CPEB3: variants seen among roughly 807,000 people sequenced by gnomAD.
The protein encoded by CPEB3 is cytoplasmic polyadenylation element binding protein 3, also known as cytoplasmic polyadenylation element-binding protein 3.
Under a neutral mutation model 67.2 loss-of-function variants are expected in CPEB3, and 20 were observed. The ratio of observed to expected loss-of-function variants is 0.30; its 90% CI spans 0.21 to 0.43. The LOEUF (loss-of-function observed/expected upper bound fraction) is 0.43. CPEB3 is among the 20% of genes least tolerant of loss of function. The probability of loss-of-function intolerance (pLI) is 1.00; values close to 1 mark genes in which losing one functional copy is unlikely to be tolerated. For missense variants in CPEB3, 746 were observed against 968.6 expected, an observed-to-expected ratio of 0.77 and a Z score of 3.05; for synonymous variants, 376 against 393.1, an observed-to-expected ratio of 0.96 and a Z score of 0.51.
chr10:92,081,168 C>G, intron 9 of CPEB3, 152 bp downstream of exon 9: 8 of 790,948 alleles, frequency 1.0e-5, no homozygotes, highest in South Asian at 3.2e-5. Context: ...CAACAGTGCT[C>G]TCTTTTTCAG....
At chr10:92,197,822 C>G (rs1168348492) in intron 2 of CPEB3, among the ~76,000 whole-genome samples, 3 of 152,138 alleles carry the variant, frequency 2.0e-5, no homozygotes, top group Admixed American at 2.0e-4. Context: ...ATAAATTAAA[C>G]AAGTCGCTGG....
chr10:92,058,604 T>C (rs374520862), intron 9 of CPEB3, among the ~76,000 whole-genome samples: 1 of 148,466 alleles, frequency 6.7e-6, no homozygotes, highest in Non-Finnish European at 1.5e-5. Context: ...TATATATATA[T>C]ATATAAATTA....
rs148789299 is a variant in CPEB3, at chr10:92,200,134, G to A, written c.1006-7498C>T. 7.9e-5 allele frequency among the ~76,000 whole-genome samples: 12 copies of A among 152,198 alleles called. No homozygotes were observed. In the East Asian group the frequency reaches 2.3e-3, roughly 29 times the overall value. On this transcript the variant is annotated intron_variant, in intron 2 of 9. Coordinates refer to ENST00000265997, the MANE Select transcript of CPEB3 (RefSeq NM_014912.5). The stretch of plus-strand genomic sequence containing the variant: ...AAGTTGAAACTTTTCTCCCTTTTCT[G>A]TCCTTGGGGGAAAATTATCAGCATC...
chr10:92,203,603 A>G (rs933154041), intron 2 of CPEB3, among the ~76,000 whole-genome samples: 2 of 151,460 alleles, frequency 1.3e-5, no homozygotes, highest in African/African-American at 2.4e-5. Flanking sequence ...TTTTTAGTAC[A>G]GACGAGGTTT....
intron 9 of CPEB3, among the ~76,000 whole-genome samples, chr10:92,070,189 C>T (rs551424826): frequency 6.6e-6 from 1 of 152,208 alleles, no homozygotes; most frequent in South Asian, 2.1e-4. Flanking sequence ...TTTCCATGAT[C>T]GAAACAAATT....
intron 1 of CPEB3, among the ~76,000 whole-genome samples, chr10:92,276,833 C>T (rs112971228): frequency 1.3e-5 from 2 of 152,308 alleles, no homozygotes; most frequent in African/African-American, 4.8e-5. Context: ...AATTTCTTCA[C>T]ATTCTTGCCA....
At chr10:92,266,761 C>T (rs1214141359) in intron 1 of CPEB3, among the ~76,000 whole-genome samples, 4 of 152,100 alleles carry the variant, frequency 2.6e-5, no homozygotes, top group African/African-American at 7.2e-5. Context: ...TGGCTGGGCA[C>T]GGTGGCTCAC....
chr10:92,070,339 A>G (rs1237737589), intron 9 of CPEB3, among the ~76,000 whole-genome samples: 4 of 152,224 alleles, frequency 2.6e-5, no homozygotes, highest in Admixed American at 1.3e-4. Context: ...AAAATTTTTT[A>G]AATAAAATAG....
At chr10:92,135,295 A>G (rs540044178) in intron 6 of CPEB3, among the ~76,000 whole-genome samples, 1 of 152,370 alleles carries the variant, frequency 6.6e-6, no homozygotes, top group African/African-American at 2.4e-5. Flanking sequence ...CAGAATCTAC[A>G]AAGAACTTAA....
chr10:92,058,512 G>A (rs1842199143), intron 9 of CPEB3, among the ~76,000 whole-genome samples: 1 of 151,818 alleles, frequency 6.6e-6, no homozygotes, highest in East Asian at 1.9e-4. Flanking sequence ...TCGTGCCACT[G>A]CACTCTGGCC....
chr10:92,179,709 T>C (rs548538925), intron 4 of CPEB3, among the ~76,000 whole-genome samples: 154 of 152,330 alleles, frequency 1.0e-3, no homozygotes, highest in Admixed American at 1.6e-3. Context: ...GCAGGGATAC[T>C]AGCAATCTAG....
At chr10:92,147,315 G>C (rs1421800860) in intron 4 of CPEB3, among the ~76,000 whole-genome samples, 1 of 152,086 alleles carries the variant, frequency 6.6e-6, no homozygotes, top group Non-Finnish European at 1.5e-5. Flanking sequence ...AATTAGCCGG[G>C]CATGGTGATG....
intron 6 of CPEB3, among the ~76,000 whole-genome samples, chr10:92,118,069 AT>A (rs879688507): frequency 3.9e-5 from 6 of 152,208 alleles, no homozygotes; most frequent in Non-Finnish European, 8.8e-5. Context: ...ACTTTTAAAT[AT>A]CCCTAATACA....
intron 7 of CPEB3, among the ~76,000 whole-genome samples, chr10:92,103,380 C>A (rs1034088439): frequency 1.3e-5 from 2 of 152,230 alleles, no homozygotes; most frequent in South Asian, 4.1e-4. Flanking sequence ...TACAGTCACA[C>A]TTAAACAGCA....
Position 92,080,226 on chromosome 10 carries a change from T to G in CPEB3, c.1869+1094A>C, listed in dbSNP as rs369896364. Among the ~76,000 whole-genome samples the G allele has an allele frequency of 6.8e-4, 102 of 150,468 alleles. No individual in the cohort carries two copies. The East Asian group carries it at 0.019, about 28-fold the overall frequency. On this transcript the variant is annotated intron_variant, in intron 9 of 9. Coordinates refer to ENST00000265997, the MANE Select transcript of CPEB3 (RefSeq NM_014912.5). ...CGTCTCAAAAAAAAAAAAAAAAGAC[T>G]TGGTGCTATTCTCCTACATGCTCTT... is the stretch of plus-strand genomic sequence containing the variant.
chr10:92,213,788 T>A (rs1246874465), intron 2 of CPEB3, among the ~76,000 whole-genome samples: 1 of 152,090 alleles, frequency 6.6e-6, no homozygotes, highest in Non-Finnish European at 1.5e-5. Context: ...ACAACTAGGG[T>A]AAATCTCCTA....
intron 4 of CPEB3, among the ~76,000 whole-genome samples, chr10:92,161,820 C>T (rs1292676684): frequency 7.2e-5 from 11 of 152,016 alleles, no homozygotes; most frequent in African/African-American, 2.7e-4. Flanking sequence ...TGCACCACCA[C>T]GCCGGCTAAT....
intron 9 of CPEB3, among the ~76,000 whole-genome samples, chr10:92,080,206 CAA>C (rs1176662337): frequency 2.5e-4 from 26 of 102,088 alleles, no homozygotes; most frequent in Admixed American, 5.2e-4. Flanking sequence ...GACTCCGTCT[CAA>C]AAAAAAAAAA....
chr10:92,172,036 T>G (rs1232566718), intron 4 of CPEB3, among the ~76,000 whole-genome samples: 1 of 152,144 alleles, frequency 6.6e-6, no homozygotes, highest in African/African-American at 2.4e-5. Context: ...TAGCTCACAT[T>G]TGTAATCACA....
Sources: allele counts gnomAD v4.1 joint callset (sites outside exome capture counted in the v4.1 genomes callset), GRCh38; gene constraint gnomAD v4.1.1; transcripts MANE v1.5; gene names NCBI Gene and HGNC (gene_info 2026-07-23, HGNC 2026-07-21).